TM4SF4: variants seen among roughly 807,000 people sequenced by gnomAD.
TM4SF4 encodes transmembrane 4 L six family member 4.
A neutral mutation model predicts 24.1 loss-of-function variants in TM4SF4; 24 were observed. The observed-to-expected ratio is 1.00, with a 90% CI of 0.72 to 1.40. The LOEUF is 1.40. Among genes scored for constraint, TM4SF4 ranks in the 40% most tolerant of loss-of-function variants. The probability of loss-of-function intolerance (pLI) is 0.00; values close to 1 mark genes in which losing one functional copy is unlikely to be tolerated. For missense variants in TM4SF4, 254 were observed against 254.2 expected (o/e 1.00, Z 0.01); for synonymous variants, 113 against 97.0 (o/e 1.17, Z -0.97).
Position 149,474,836 on chromosome 3 carries a change from T to C in TM4SF4, c.-42T>C, listed in dbSNP as rs1733894742. ...TGAAGAGGCCCCGTGAAGGAGGCAG[T>C]GAGGAGCTTTTGATTGCTGACCTGT... On this transcript the variant is annotated 5_prime_UTR_variant, in exon 1 of 5. Coordinates refer to ENST00000305354, the MANE Select transcript of TM4SF4 (RefSeq NM_004617.4). 6.4e-7 allele frequency: 1 copy of C among 1,566,370 alleles called. No homozygotes were observed. Among genetic ancestry groups the C allele is most frequent in the African/African-American group, 1.4e-5 (1 of 72,688 alleles).
At chr3:149,499,345 A>G (rs985862417) in intron 4 of TM4SF4, among the ~76,000 whole-genome samples, 5 of 152,222 alleles carry the variant, frequency 3.3e-5, no homozygotes, top group African/African-American at 9.6e-5. Context: ...GAACATACCA[A>G]TGCAAAACCT....
chr3:149,483,224 A>G (rs1576518301), intron 2 of TM4SF4, among the ~76,000 whole-genome samples: 1 of 152,176 alleles, frequency 6.6e-6, no homozygotes, highest in Non-Finnish European at 1.5e-5. Context: ...CTCGTCCTAG[A>G]GTTATACTAG....
chr3:149,489,860 C>A (rs1734181724), intron 3 of TM4SF4, among the ~76,000 whole-genome samples: 1 of 152,084 alleles, frequency 6.6e-6, no homozygotes. Flanking sequence ...ACCTTGCAGG[C>A]AAGCGGGAAC....
intron 2 of TM4SF4, among the ~76,000 whole-genome samples, chr3:149,479,366 CTTT>C (rs62958360): frequency 7.2e-6 from 1 of 139,252 alleles, no homozygotes; most frequent in Non-Finnish European, 1.5e-5. Flanking sequence ...CTTTTCTTTT[CTTT>C]TTTTTTTTTT....
intron 4 of TM4SF4, among the ~76,000 whole-genome samples, chr3:149,501,050 A>C (rs577511265): frequency 9.2e-5 from 14 of 151,816 alleles, no homozygotes; most frequent in African/African-American, 2.9e-4. Flanking sequence ...GAGAGAGAGA[A>C]AGAAAGAAAG....
chr3:149,481,277 A>AAGGGAAGAGG (rs1553782169), intron 2 of TM4SF4, among the ~76,000 whole-genome samples: 15,115 of 126,844 alleles, frequency 0.12, 774 homozygotes, highest in Middle Eastern at 0.14. Flanking sequence ...CATTTGGTGT[A>AAGGGAAGAGG]AGGGAAGTAC....
chr3:149,477,026 C>G (rs973493943), intron 2 of TM4SF4, among the ~76,000 whole-genome samples: 1 of 151,792 alleles, frequency 6.6e-6, no homozygotes, highest in African/African-American at 2.4e-5. Flanking sequence ...TCTCAAACTC[C>G]CGGACTCAAG....
intron 2 of TM4SF4, among the ~76,000 whole-genome samples, chr3:149,486,277 T>C: frequency 6.6e-6 from 1 of 152,194 alleles, no homozygotes; most frequent in East Asian, 1.9e-4. Flanking sequence ...GTGGGCTCTA[T>C]CATGCCCATT....
chr3:149,489,009 G>A (rs1281902332), intron 3 of TM4SF4, among the ~76,000 whole-genome samples: 1 of 152,194 alleles, frequency 6.6e-6, no homozygotes, highest in Non-Finnish European at 1.5e-5. Flanking sequence ...CATGGTCTTG[G>A]TTTGTTCACA....
chr3:149,498,839 C>A lies in TM4SF4; in HGVS notation c.519C>A (p.Leu173=), dbSNP rs771563991. Residue 173 remains leucine (L), a synonymous_variant, in exon 4 of 5, where the codon CTC becomes CTA. Coordinates refer to ENST00000305354, the MANE Select transcript of TM4SF4 (RefSeq NM_004617.4). ...LLVVGGIQMV[L]CAIQVVNGLL... ...TCGTAGGAGGAATCCAGATGGTTCTCTGCGCCATCCAGGTGGTCAATGGCC... is the reference window on the plus strand; with the variant it reads ...TCGTAGGAGGAATCCAGATGGTTCTATGCGCCATCCAGGTGGTCAATGGCC... 14 of 1,614,012 alleles carry A rather than the reference C, an allele frequency of 8.7e-6. No individual in the cohort carries two copies. Among genetic ancestry groups the A allele is most frequent in the Non-Finnish European group, 1.1e-5 (13 of 1,179,874 alleles).
chr3:149,479,845 C>T (rs1443296510), intron 2 of TM4SF4, among the ~76,000 whole-genome samples: 1 of 152,204 alleles, frequency 6.6e-6, no homozygotes, highest in Non-Finnish European at 1.5e-5. Flanking sequence ...TGCATTATAT[C>T]TTTCTGGAAC....
intron 4 of TM4SF4, among the ~76,000 whole-genome samples, chr3:149,501,448 A>G (rs913525998): frequency 3.3e-5 from 5 of 152,236 alleles, no homozygotes; most frequent in African/African-American, 1.2e-4. Context: ...GAACACCTGT[A>G]TACTTTCACC....
chr3:149,491,471 A>AAAAACAAAAC (rs56119981), intron 3 of TM4SF4, among the ~76,000 whole-genome samples: 4,624 of 150,776 alleles, frequency 0.031, 85 homozygotes, highest in Middle Eastern at 0.059. Context: ...GTCTCAAACA[A>AAAAACAAAAC]AAAACAAAAC....
At chr3:149,501,813 G>A (rs1046773774) in intron 4 of TM4SF4, among the ~76,000 whole-genome samples, 9 of 152,280 alleles carry the variant, frequency 5.9e-5, no homozygotes, top group African/African-American at 1.9e-4. Flanking sequence ...CCATTCAGGC[G>A]GAAAGTATTT....
At chr3:149,477,404 T>A (rs1733951891) in intron 2 of TM4SF4, among the ~76,000 whole-genome samples, 2 of 152,246 alleles carry the variant, frequency 1.3e-5, no homozygotes, top group Admixed American at 1.3e-4. Context: ...CATGTCCACC[T>A]AAAAGATTCA....
At chr3:149,486,113 C>G (rs1734112288) in intron 2 of TM4SF4, among the ~76,000 whole-genome samples, 1 of 152,160 alleles carries the variant, frequency 6.6e-6, no homozygotes, top group African/African-American at 2.4e-5. Context: ...AGATTCCAAT[C>G]ACCCAGGCAC....
rs1370608036 is a variant in TM4SF4, at chr3:149,502,825, C to G, written c.*132C>G. The G allele has an allele frequency of 1.6e-6, 1 of 641,848 alleles. No individual in the cohort carries two copies. The highest frequency in any genetic ancestry group is 2.7e-6 in the Non-Finnish European group (1 of 367,130). 39.8% of individuals were successfully genotyped at this position (641,848 alleles called of 1,614,324 possible). A position where few individuals can be genotyped will look rare whatever the true frequency, so the allele number is the denominator to read the frequency against. ...ATAAAGCTTAGAAAAGGCAGTTATT[C>G]CTTCTTTCCAACCAGCTTTGCTCGA... On this transcript the variant is annotated 3_prime_UTR_variant, in exon 5 of 5. Transcript: ENST00000305354.
intron 3 of TM4SF4, among the ~76,000 whole-genome samples, chr3:149,491,640 T>C (rs890800111): frequency 1.3e-5 from 2 of 152,076 alleles, no homozygotes; most frequent in African/African-American, 4.8e-5. Context: ...ATCTCAAACA[T>C]GGAACAAAAA....
At chr3:149,495,628 G>T (rs920174711) in intron 3 of TM4SF4, 1 of 335,324 alleles carries the variant, frequency 3.0e-6, no homozygotes, top group South Asian at 3.4e-5. Context: ...CCACCAATGG[G>T]AGCAGCTGGC....
Sources: allele counts gnomAD v4.1 joint callset (sites outside exome capture counted in the v4.1 genomes callset), GRCh38; gene constraint gnomAD v4.1.1; transcripts MANE v1.5; gene names NCBI Gene and HGNC (gene_info 2026-07-23, HGNC 2026-07-21).